AK5: variants seen among roughly 807,000 people sequenced by gnomAD.
AK5 encodes adenylate kinase isoenzyme 5.
Under a neutral mutation model 69.5 loss-of-function variants are expected in AK5, and 27 were observed. The observed-to-expected ratio is 0.39, with a 90% confidence interval of 0.29 to 0.54. The LOEUF (loss-of-function observed/expected upper bound fraction) is 0.54. Ranked by LOEUF, AK5 falls within the 20% of genes least tolerant of loss-of-function variation. The pLI, the probability that AK5 is intolerant of heterozygous loss-of-function variation, is 0.71. For missense variants in AK5, 531 were observed against 700.4 expected, an observed-to-expected ratio of 0.76 and a Z score of 2.73; for synonymous variants, 260 against 244.4, an observed-to-expected ratio of 1.06 and a Z score of -0.60.
At chr1:77,538,614 C>T (rs867175072) in intron 13 of AK5, among the ~76,000 whole-genome samples, 1 of 151,580 alleles carries the variant, frequency 6.6e-6, no homozygotes, top group Non-Finnish European at 1.5e-5. Context: ...CACACCACTG[C>T]ACTCCAGCCT....
intron 5 of AK5, among the ~76,000 whole-genome samples, chr1:77,308,618 C>T (rs181296343): frequency 4.0e-5 from 6 of 151,776 alleles, no homozygotes; most frequent in East Asian, 1.9e-4. Context: ...ACAACCTAAG[C>T]GATGTGTTTT....
chr1:77,283,001 GC>G, intron 1 of AK5: 1 of 985,606 alleles, frequency 1.0e-6, no homozygotes, highest in Non-Finnish European at 1.2e-6. Context: ...GAAGGGTTGG[GC>G]CGCAGGTTTC....
intron 6 of AK5, among the ~76,000 whole-genome samples, chr1:77,375,567 A>G (rs957461963): frequency 2.2e-4 from 33 of 152,214 alleles, no homozygotes; most frequent in East Asian, 5.8e-4. Context: ...TTTACAATCT[A>G]TAGGTTACAA....
At chr1:77,387,029 C>A (rs1185478016) in intron 6 of AK5, among the ~76,000 whole-genome samples, 1 of 152,148 alleles carries the variant, frequency 6.6e-6, no homozygotes, top group Non-Finnish European at 1.5e-5. Context: ...GGATTTCATT[C>A]CTTTTATGGC....
At chr1:77,505,031 A>G (rs1056364030) in intron 10 of AK5, among the ~76,000 whole-genome samples, 2 of 152,228 alleles carry the variant, frequency 1.3e-5, no homozygotes, top group African/African-American at 4.8e-5. Context: ...TATGAATTAA[A>G]CTTTTAAGAT....
intron 8 of AK5, among the ~76,000 whole-genome samples, chr1:77,469,491 C>T (rs545809257): frequency 1.6e-4 from 25 of 152,330 alleles, no homozygotes; most frequent in South Asian, 8.3e-4. Context: ...TGCCCACCTG[C>T]CTTATGGATT....
chr1:77,533,522 A>AC (rs1491416331), intron 12 of AK5, among the ~76,000 whole-genome samples: 1 of 147,880 alleles, frequency 6.8e-6, no homozygotes, highest in Non-Finnish European at 1.5e-5. Context: ...AAAAAAAAAA[A>AC]AAAAAAAAAA....
chr1:77,297,491 A>G, intron 3 of AK5, 68 bp from the exon 4 acceptor site: 1 of 1,405,450 alleles, frequency 7.1e-7, no homozygotes, highest in Non-Finnish European at 9.6e-7. Context: ...CAGATGAAGT[A>G]GTAGTTGTAT....
At chr1:77,508,802 G>A (rs1468981050) in intron 10 of AK5, among the ~76,000 whole-genome samples, 3 of 151,840 alleles carry the variant, frequency 2.0e-5, no homozygotes, top group Non-Finnish European at 4.4e-5. Flanking sequence ...TGGTGGCGGA[G>A]GTTGCAGTGA....
At chr1:77,387,009 G>A (rs527309944) in intron 6 of AK5, among the ~76,000 whole-genome samples, 2 of 152,110 alleles carry the variant, frequency 1.3e-5, no homozygotes, top group Non-Finnish European at 2.9e-5. Flanking sequence ...CCATGTTGCT[G>A]CAAATGACAG....
At position 77,423,083 on chromosome 1, in the gene AK5, T is replaced by C. The variant is rs556727072; in HGVS notation, c.1059+5368T>C. On this transcript the variant is annotated intron_variant, in intron 8 of 13. Coordinates refer to ENST00000354567, the MANE Select transcript of AK5 (RefSeq NM_174858.3). ...ACAAAAACAAAAAATTAGCCGGGCG[T>C]GGTGGTGGGCACCTGTAGTCCCAGC... 5.9e-5 allele frequency among the ~76,000 whole-genome samples: 9 copies of C among 151,892 alleles called. No individual in the cohort carries two copies. The East Asian group carries it at 1.2e-3, about 20-fold the overall frequency.
rs1661710026 is a variant in AK5 at position 77,342,566 on chromosome 1, T to G, written c.891+1998T>G. 2.6e-5 allele frequency among the ~76,000 whole-genome samples: 4 copies of G among 152,178 alleles called. No individual in the cohort carries two copies. In the South Asian group the frequency reaches 8.3e-4, roughly 32 times the overall value. ...AGAAAACTTGCCTAGTAAAGTCGCC[T>G]TTTGGAAAGCAATGAACGCAAACAC... On this transcript the variant is annotated intron_variant, in intron 6 of 13. Coordinates refer to ENST00000354567, the MANE Select transcript of AK5 (RefSeq NM_174858.3).
intron 6 of AK5, among the ~76,000 whole-genome samples, chr1:77,392,627 G>A (rs539947220): frequency 6.6e-6 from 1 of 152,234 alleles, no homozygotes; most frequent in South Asian, 2.1e-4. Flanking sequence ...ATTCAGCTGT[G>A]TTAATTGTGA....
chr1:77,462,569 G>A (rs1461631338), intron 8 of AK5, among the ~76,000 whole-genome samples: 2 of 151,894 alleles, frequency 1.3e-5, no homozygotes, highest in Non-Finnish European at 2.9e-5. Context: ...TTATAAAAAT[G>A]GGATCACAGT....
intron 10 of AK5, among the ~76,000 whole-genome samples, chr1:77,495,017 C>T (rs1040767755): frequency 7.9e-5 from 12 of 152,150 alleles, no homozygotes; most frequent in African/African-American, 1.9e-4. Flanking sequence ...ATCCTGACCT[C>T]GTGATCTGCC....
intron 7 of AK5, among the ~76,000 whole-genome samples, chr1:77,411,738 A>G (rs770428941): frequency 6.6e-6 from 1 of 152,152 alleles, no homozygotes; most frequent in Non-Finnish European, 1.5e-5. Flanking sequence ...CTGAGTAATG[A>G]TCTCAAAGGG....
chr1:77,513,288 G>A (rs1279483368), intron 10 of AK5, among the ~76,000 whole-genome samples: 2 of 152,054 alleles, frequency 1.3e-5, no homozygotes, highest in Non-Finnish European at 2.9e-5. Context: ...GTGCTTCTGC[G>A]ATGGTGTTTA....
intron 10 of AK5, among the ~76,000 whole-genome samples, chr1:77,494,027 TA>T (rs1409021016): frequency 6.6e-6 from 1 of 152,060 alleles, no homozygotes; most frequent in African/African-American, 2.4e-5. Flanking sequence ...CAAAAAGACA[TA>T]AAACAGTCCT....
intron 8 of AK5, among the ~76,000 whole-genome samples, chr1:77,462,608 C>T (rs1033222768): frequency 9.2e-5 from 14 of 151,994 alleles, no homozygotes; most frequent in Non-Finnish European, 1.0e-4. Context: ...CCTGTCTATT[C>T]ACATAATATG....
Sources: gnomAD v4.1 joint callset for allele counts (sites outside exome capture counted in the v4.1 genomes callset) on GRCh38, gnomAD v4.1.1 for gene constraint, MANE v1.5 for transcripts, NCBI Gene and HGNC (gene_info 2026-07-23, HGNC 2026-07-21) for gene names.